BRCA2: variants seen among roughly 807,000 people sequenced by gnomAD.
BRCA2 encodes the protein BRCA2 DNA repair associated.
BRCA2 carries 203 observed loss-of-function variants against 276.7 expected under a neutral mutation model. The observed-to-expected ratio is 0.73, with a 90% CI of 0.65 to 0.82. BRCA2 has a LOEUF of 0.82. BRCA2 is among the 40% of genes least tolerant of loss of function. The pLI is 0.00. For synonymous variants in BRCA2, 1,289 were observed against 1,338.4 expected (o/e 0.96, Z 0.81); for missense variants, 3,920 against 3,915.0 (o/e 1.00, Z -0.03).
At chr13:32,379,665 A>T (rs2137621320) in intron 22 of BRCA2, 85 bp from the exon 23 acceptor site, 1 of 1,537,398 alleles carries the variant, frequency 6.5e-7, no homozygotes, top group Non-Finnish European at 9.0e-7. Flanking sequence ...AGATAATATA[A>T]AAGAGGATCT....
rs55875643 is a variant in BRCA2, at chr13:32,340,065, C to G, written c.5710C>G (p.Leu1904Val). 5.0e-5 allele frequency: 81 copies of G among 1,613,764 alleles called. No individual in the cohort carries two copies. The African/African-American group carries it at 6.1e-4, about 12-fold the overall frequency. The change falls in exon 11 of 27, where the codon CTT (leucine) becomes GTT (valine). Residue 1904 changes from leucine to valine, a missense_variant. Physicochemically the swap from Leu to Val is conservative, Grantham distance 32. This residue lies in a region of BRCA2 where 3,263 missense variants were observed against 3,156.9 expected (regional missense o/e 1.03). Transcript: ENST00000380152. ...GGCATTGGATGATTCAGAGGATATT[C>G]TTCATAACTCTCTAGATAATGATGA... ...YEALDDSEDI[L>V]HNSLDNDECS...
chr13:32,390,288 C>A (rs1024971390), intron 24 of BRCA2, among the ~76,000 whole-genome samples: 1 of 152,080 alleles, frequency 6.6e-6, no homozygotes, highest in Non-Finnish European at 1.5e-5. Context: ...ACCATACACA[C>A]GTCAGCTAAA....
chr13:32,340,443 A>G lies in BRCA2; in HGVS notation c.6088A>G (p.Asn2030Asp), dbSNP rs1555284539. ...TTCAGACCAGCTCACAAGAGAAGAA[A>G]ATACTGCTATACGTACTCCAGAACA... is the stretch of plus-strand genomic sequence containing the variant. The part of the protein sequence containing the change: ...EHSDQLTREE[N>D]TAIRTPEHLI... The change falls in exon 11 of 27, where the codon AAT becomes GAT. Residue 2030 changes from asparagine (N) to aspartate (D), a missense_variant. Asn to Asp is a conservative substitution (Grantham distance 23). This residue lies in a region of BRCA2 where 3,263 missense variants were observed against 3,156.9 expected (regional missense o/e 1.03). Transcript: ENST00000380152. The G allele has an allele frequency of 6.2e-7, 1 of 1,613,900 alleles. No individual in the cohort carries two copies. Among genetic ancestry groups the G allele is most frequent in the Non-Finnish European group, 8.5e-7 (1 of 1,179,870 alleles).
rs1064793691 is a variant in BRCA2 at position 32,379,406 on chromosome 13, T to G, written c.8844T>G (p.Ile2948Met). 1 of 1,613,810 alleles carries G rather than the reference T, an allele frequency of 6.2e-7. No homozygotes were observed. The highest frequency in any genetic ancestry group is 1.7e-4 in the Middle Eastern group (1 of 6,060). The change falls in exon 22 of 27, where the codon ATT (isoleucine) becomes ATG (methionine). Residue 2948 changes from isoleucine (I) to methionine (M), a missense_variant. By Grantham distance (10) the Ile-to-Met change is conservative. Around this residue, in one of 2 missense-constraint regions of BRCA2, gnomAD observed 657 missense variants for 758.2 expected, o/e 0.87. Transcript: ENST00000380152. The stretch of plus-strand genomic sequence containing the variant: ...AACAAGCTCAGATCCAGTTGGAAAT[T>G]AGGAAGGCCATGGAATCTGCTGAAC... Reference protein sequence around the residue: ...DKKQAQIQLEIRKAMESAEQK... With the variant: ...DKKQAQIQLEMRKAMESAEQK...
rs80358995 is a variant in BRCA2 at position 32,357,808 on chromosome 13, T to C, written c.7684T>C (p.Phe2562Leu). ...INSKNAESFQFHTEDYFGKES... is the reference protein window; with the variant it reads ...INSKNAESFQLHTEDYFGKES... ...CAGCAAAAATGCAGAGTCTTTTCAG[T>C]TTCACACTGAAGATTATTTTGGTAA... The change falls in exon 16 of 27, where the codon TTT (phenylalanine) becomes CTT (leucine). Residue 2562 changes from phenylalanine to leucine, a missense_variant. Coordinates refer to ENST00000380152, the MANE Select transcript of BRCA2 (RefSeq NM_000059.4). The C allele has an allele frequency of 3.1e-6, 5 of 1,613,828 alleles. No homozygotes were observed. Among genetic ancestry groups the C allele is most frequent in the Non-Finnish European group, 4.2e-6 (5 of 1,179,856 alleles).
In BRCA2 at chr13:32,393,328, C is replaced by T. The variant is rs183111065; in HGVS notation, c.9257-1361C>T. On this transcript the variant is annotated intron_variant, in intron 24 of 26. Transcript: ENST00000380152. Reference sequence around the variant, plus strand: ...ATTTTTCTCCCTTTCTTTCCTTCTACATTAATTGGAATTCTATAAGGAAAA... The same window carrying T: ...ATTTTTCTCCCTTTCTTTCCTTCTATATTAATTGGAATTCTATAAGGAAAA... 5.9e-5 allele frequency among the ~76,000 whole-genome samples: 9 copies of T among 152,300 alleles called. No individual in the cohort carries two copies. In the East Asian group the frequency reaches 1.5e-3, roughly 26 times the overall value.
At chr13:32,341,298 C>CT (rs2072567844) in intron 11 of BRCA2, 102 bp downstream of exon 11, 1 of 1,542,198 alleles carries the variant, frequency 6.5e-7, no homozygotes, top group East Asian at 2.3e-5. Context: ...TAAACTATGT[C>CT]TTTTCAGCCA....
intron 9 of BRCA2, 60 bp downstream of exon 9, chr13:32,331,090 T>C (rs2072388591): frequency 4.0e-6 from 5 of 1,260,402 alleles, no homozygotes; most frequent in Admixed American, 1.9e-5. Flanking sequence ...TGATTTTTTT[T>C]TTTTGAGGTG....
rs80359129 is a variant in BRCA2 at position 32,376,739 on chromosome 13, G to C, written c.8702G>C (p.Gly2901Ala). The C allele has an allele frequency of 6.2e-7, 1 of 1,614,146 alleles. No homozygotes were observed. The highest frequency in any genetic ancestry group is 8.5e-7 in the Non-Finnish European group (1 of 1,180,032). Residue 2901 changes from glycine (G) to alanine (A), a missense_variant, in exon 21 of 27, where the codon GGT (glycine) becomes GCT (alanine). By Grantham distance (60) the Gly-to-Ala change is moderately conservative (BLOSUM62 0). Around this residue, in one of 2 missense-constraint regions of BRCA2, gnomAD observed 657 missense variants for 758.2 expected, o/e 0.87. Coordinates refer to ENST00000380152, the MANE Select transcript of BRCA2 (RefSeq NM_000059.4). The stretch of plus-strand genomic sequence containing the variant: ...CAGCAAGTTCGTGCTTTGCAAGATG[G>C]TGCAGAGCTTTATGAAGCAGTGAAG... ...TRQQVRALQD[G>A]AELYEAVKNA...
intron 24 of BRCA2, among the ~76,000 whole-genome samples, chr13:32,386,340 G>A (rs563711865): frequency 1.2e-4 from 18 of 152,208 alleles, no homozygotes; most frequent in African/African-American, 4.3e-4. Flanking sequence ...CCTGGGAAGC[G>A]GAGGTTGCAG....
At chr13:32,329,421 C>T (rs2137457980) in intron 7 of BRCA2, 22 bp from the exon 8 acceptor site, 2 of 1,552,864 alleles carry the variant, frequency 1.3e-6, no homozygotes, top group Non-Finnish European at 1.8e-6. Flanking sequence ...ATATACAATA[C>T]ACATAAATTT....
chr13:32,350,613 C>T (rs1365086969), intron 13 of BRCA2, among the ~76,000 whole-genome samples: 1 of 151,808 alleles, frequency 6.6e-6, no homozygotes, highest in African/African-American at 2.4e-5. Flanking sequence ...ATTAGCCAGA[C>T]GTAGTGGTGG....
In BRCA2 at chr13:32,339,644, C is replaced by T. The variant is rs763052573; in HGVS notation, c.5289C>T (p.Leu1763=). The T allele has an allele frequency of 1.9e-6, 3 of 1,612,354 alleles. No homozygotes were observed. Among genetic ancestry groups the T allele is most frequent in the Middle Eastern group, 1.7e-4 (1 of 6,052 alleles). ...SDEVYNDSGY[L]SKNKLDSGIE... ...AGGTATATAATGATTCAGGATATCT[C>T]TCAAAAAATAAACTTGATTCTGGTA... Residue 1763 remains leucine (L), a synonymous_variant, in exon 11 of 27, where the codon CTC becomes CTT. Coordinates refer to ENST00000380152, the MANE Select transcript of BRCA2 (RefSeq NM_000059.4).
intron 9 of BRCA2, among the ~76,000 whole-genome samples, chr13:32,331,297 G>A (rs1465892570): frequency 6.6e-6 from 1 of 152,082 alleles, no homozygotes; most frequent in Non-Finnish European, 1.5e-5. Flanking sequence ...ACCATGCCCA[G>A]CCTGAACTAC....
intron 24 of BRCA2, among the ~76,000 whole-genome samples, chr13:32,393,857 A>T (rs1435126738): frequency 1.3e-5 from 2 of 152,102 alleles, no homozygotes; most frequent in Non-Finnish European, 2.9e-5. Context: ...AGGGAGTCAG[A>T]CCTGTACAAA....
rs397507768 is a variant in BRCA2, at chr13:32,326,499, G to C, written c.517G>C (p.Gly173Arg). Reference sequence around the variant, plus strand: ...AATAAACTATTTTCTTTCCTCCCAGGGTCGTCAGACACCAAAACATATTTC... The same window carrying C: ...AATAAACTATTTTCTTTCCTCCCAGCGTCGTCAGACACCAAAACATATTTC... The part of the protein sequence containing the change: ...SLFHTPKFVK[G>R]RQTPKHISES... Residue 173 changes from glycine (G) to arginine (R), a missense_variant and splice_region_variant, in exon 7 of 27, where the codon GGT becomes CGT. This residue lies in a region of BRCA2 where 3,263 missense variants were observed against 3,156.9 expected (regional missense o/e 1.03). Coordinates refer to ENST00000380152, the MANE Select transcript of BRCA2 (RefSeq NM_000059.4). The C allele has an allele frequency of 6.2e-7, 1 of 1,601,910 alleles. No individual in the cohort carries two copies. Among genetic ancestry groups the C allele is most frequent in the Non-Finnish European group, 8.6e-7 (1 of 1,168,988 alleles).
chr13:32,370,421 G>A lies in BRCA2; in HGVS notation c.8351G>A (p.Arg2784Gln), dbSNP rs80359076. The change falls in exon 19 of 27, where the codon CGG becomes CAG. Residue 2784 changes from arginine (R) to glutamine (Q), a missense_variant. Arg to Gln is a conservative substitution (Grantham distance 43). This residue lies in a region of BRCA2 where 657 missense variants were observed against 758.2 expected (regional missense o/e 0.87). Coordinates refer to ENST00000380152, the MANE Select transcript of BRCA2 (RefSeq NM_000059.4). ...LMLKISANST[R>Q]PARWYTKLGF... ...GTCCAGATTTCTGCTAACAGTACTC[G>A]GCCTGCTCGCTGGTATACCAAACTT... is the stretch of plus-strand genomic sequence containing the variant. The A allele has an allele frequency of 1.7e-5, 27 of 1,613,364 alleles. No individual in the cohort carries two copies. The highest frequency in any genetic ancestry group is 3.3e-5 in the Admixed American group (2 of 59,944).
At chr13:32,366,049 G>C (rs991575268) in intron 18 of BRCA2, among the ~76,000 whole-genome samples, 1 of 150,964 alleles carries the variant, frequency 6.6e-6, no homozygotes, top group African/African-American at 2.4e-5. Context: ...TTATAGATTT[G>C]TCTTTAAATA....
chr13:32,375,387 A>C (rs1275112977), intron 20 of BRCA2: 1 of 452,676 alleles, frequency 2.2e-6, no homozygotes, highest in Non-Finnish European at 4.4e-6. Flanking sequence ...GTCATCCATG[A>C]GGGTTGGAAT....
Sources: gnomAD v4.1 joint callset for allele counts (sites outside exome capture counted in the v4.1 genomes callset) on GRCh38, gnomAD v4.1.1 for gene constraint, gnomAD v4.1.1 regional missense constraint, MANE v1.5 for transcripts, NCBI Gene and HGNC (gene_info 2026-07-23, HGNC 2026-07-21) for gene names.